Variants in FAM107B observed in about 807,000 individuals in gnomAD.
FAM107B encodes family with sequence similarity 107 member B, also known as protein FAM107B.
Under a neutral mutation model 31.5 loss-of-function variants are expected in FAM107B, and 21 were observed. That is an observed-to-expected ratio of 0.67 (90% confidence interval 0.47 to 0.96). FAM107B has a LOEUF of 0.96. Among genes scored for constraint, FAM107B ranks in the 40% least tolerant of loss-of-function variants. The pLI, the probability that FAM107B is intolerant of heterozygous loss-of-function variation, is 0.00. For missense variants in FAM107B, 452 were observed against 377.1 expected (o/e 1.20, Z -1.64); for synonymous variants, 157 against 141.5 (o/e 1.11, Z -0.78).
At chr10:14,629,380 A>AATATATATTATATATT (rs1564606680) in intron 2 of FAM107B, among the ~76,000 whole-genome samples, 5 of 10,352 alleles carry the variant, frequency 4.8e-4, no homozygotes, top group East Asian at 3.2e-3. Flanking sequence ...TTTAATATAT[A>AATATATATTATATATT]TAATATATAT....
chr10:14,719,737 G>A (rs900538677), intron 1 of FAM107B, among the ~76,000 whole-genome samples: 1 of 149,546 alleles, frequency 6.7e-6, no homozygotes, highest in African/African-American at 2.4e-5. Flanking sequence ...TCTCCACTGT[G>A]GTTCCTCCTC....
At chr10:14,626,448 T>C (rs1853164112) in intron 2 of FAM107B, among the ~76,000 whole-genome samples, 1 of 152,016 alleles carries the variant, frequency 6.6e-6, no homozygotes, top group African/African-American at 2.4e-5. Flanking sequence ...GGTTGTTAGT[T>C]ATCACAGGAC....
chr10:14,558,715 C>T (rs548070331), intron 2 of FAM107B, among the ~76,000 whole-genome samples: 68 of 152,106 alleles, frequency 4.5e-4, no homozygotes, highest in African/African-American at 1.6e-3. Context: ...TGAGCAGGGG[C>T]CTTGCTAAGT....
chr10:14,722,614 T>G lies in FAM107B; in HGVS notation c.411+51639A>C, dbSNP rs562577105. ...GTCATGTAATTCTTGGCCATTTATATGTCTTCTTTGGATAAATATCCAGTC... is the reference window on the plus strand; with the variant it reads ...GTCATGTAATTCTTGGCCATTTATAGGTCTTCTTTGGATAAATATCCAGTC... On this transcript the variant is annotated intron_variant, in intron 1 of 4. Coordinates refer to ENST00000181796, the MANE Select transcript of FAM107B (RefSeq NM_031453.4). Among the ~76,000 whole-genome samples, 16 of 152,350 alleles carry G rather than the reference T, an allele frequency of 1.1e-4. No homozygotes were observed. In the East Asian group the frequency reaches 3.1e-3, roughly 29 times the overall value.
intron 2 of FAM107B, among the ~76,000 whole-genome samples, chr10:14,599,343 A>AG (rs1030307320): frequency 4.6e-5 from 7 of 152,166 alleles, no homozygotes; most frequent in African/African-American, 1.4e-4. Context: ...ACAGCCTCTA[A>AG]GGGGGTGCTG....
chr10:14,726,328 A>G (rs2688860), intron 1 of FAM107B, among the ~76,000 whole-genome samples: 109,178 of 152,044 alleles, frequency 0.72, 39,798 homozygotes, highest in African/African-American at 0.86. Flanking sequence ...GAACACATAA[A>G]AATCTATGTG....
At chr10:14,743,691 C>A (rs374939273) in intron 1 of FAM107B, among the ~76,000 whole-genome samples, 1 of 152,258 alleles carries the variant, frequency 6.6e-6, no homozygotes, top group East Asian at 1.9e-4. Flanking sequence ...TCTGAGATCT[C>A]TATTCTGTTC....
chr10:14,604,209 T>C (rs2131380386), intron 2 of FAM107B: 1 of 974,518 alleles, frequency 1.0e-6, no homozygotes, highest in Non-Finnish European at 1.2e-6. Context: ...CTCGTCTTTG[T>C]GTGGAAAGTA....
At chr10:14,680,504 G>A (rs925744829) in intron 1 of FAM107B, among the ~76,000 whole-genome samples, 2 of 150,800 alleles carry the variant, frequency 1.3e-5, no homozygotes, top group African/African-American at 4.9e-5. Flanking sequence ...AACCCCGGAG[G>A]CAGAGGTTGC....
At chr10:14,707,389 C>A (rs1855547150) in intron 1 of FAM107B, among the ~76,000 whole-genome samples, 1 of 123,550 alleles carries the variant, frequency 8.1e-6, no homozygotes, top group South Asian at 3.0e-4. Context: ...AGAGGGACTG[C>A]ATCATCACTC....
At chr10:14,692,251 C>A (rs559715076) in intron 1 of FAM107B, among the ~76,000 whole-genome samples, 4 of 152,148 alleles carry the variant, frequency 2.6e-5, no homozygotes, top group Admixed American at 2.0e-4. Flanking sequence ...AGGCGTACCC[C>A]TGGGGCACAC....
chr10:14,615,994 T>C (rs1184152272), intron 2 of FAM107B, among the ~76,000 whole-genome samples: 1 of 152,208 alleles, frequency 6.6e-6, no homozygotes, highest in Non-Finnish European at 1.5e-5. Context: ...CCCAATTGTA[T>C]AAAAGAATCA....
intron 1 of FAM107B, among the ~76,000 whole-genome samples, chr10:14,744,231 G>A (rs1030476198): frequency 1.3e-5 from 2 of 152,190 alleles, no homozygotes; most frequent in Non-Finnish European, 2.9e-5. Context: ...TTGCTTATCA[G>A]CTTAAGGGGC....
At chr10:14,531,096 C>T (rs749027544) in intron 2 of FAM107B, among the ~76,000 whole-genome samples, 80 of 152,326 alleles carry the variant, frequency 5.3e-4, no homozygotes, top group Non-Finnish European at 1.0e-3. Context: ...CTTTCTCCTA[C>T]CCACTCAGCT....
intron 2 of FAM107B, among the ~76,000 whole-genome samples, chr10:14,547,175 A>G (rs747914528): frequency 6.6e-6 from 1 of 152,184 alleles, no homozygotes; most frequent in Non-Finnish European, 1.5e-5. Context: ...AGCTAAACGA[A>G]GCCAACTTCT....
intron 1 of FAM107B, among the ~76,000 whole-genome samples, chr10:14,720,996 G>T (rs140000104): frequency 0.018 from 2,758 of 151,836 alleles, 102 homozygotes; most frequent in African/African-American, 0.064. Context: ...CCTCCCCCAG[G>T]CCCCCACCCC....
chr10:14,615,516 C>G (rs1852828780), intron 2 of FAM107B, among the ~76,000 whole-genome samples: 1 of 152,226 alleles, frequency 6.6e-6, no homozygotes, highest in Admixed American at 6.5e-5. Context: ...TCCCAATCTT[C>G]ATTCATGATG....
intron 1 of FAM107B, among the ~76,000 whole-genome samples, chr10:14,736,416 C>T (rs965422572): frequency 1.2e-4 from 18 of 152,146 alleles, no homozygotes; most frequent in African/African-American, 2.4e-4. Flanking sequence ...TTGAGTAGTT[C>T]GCCTCAATCT....
intron 2 of FAM107B, among the ~76,000 whole-genome samples, chr10:14,602,061 T>C (rs1377688183): frequency 6.6e-6 from 1 of 152,162 alleles, no homozygotes; most frequent in African/African-American, 2.4e-5. Context: ...GGGTAGGAGA[T>C]TGTGACATTT....
Sources: allele counts gnomAD v4.1 joint callset (sites outside exome capture counted in the v4.1 genomes callset), GRCh38; gene constraint gnomAD v4.1.1; transcripts MANE v1.5; gene names NCBI Gene and HGNC (gene_info 2026-07-23, HGNC 2026-07-21).